Variants in CFAP70 observed in about 807,000 individuals in gnomAD.
CFAP70 encodes the protein cilia- and flagella-associated protein 70.
A neutral mutation model predicts 137.6 loss-of-function variants in CFAP70; 81 were observed. The observed-to-expected ratio is 0.59, with a 90% CI of 0.49 to 0.71. CFAP70 has a LOEUF of 0.71. CFAP70 is among the 30% of genes least tolerant of loss of function. The pLI is 0.00. For missense variants in CFAP70, 976 were observed against 1,226.7 expected, an observed-to-expected ratio of 0.80 and a Z score of 3.05; for synonymous variants, 382 against 423.6, an observed-to-expected ratio of 0.90 and a Z score of 1.20.
chr10:73,272,342 CAAATAAAT>C (rs146457367), intron 24 of CFAP70, among the ~76,000 whole-genome samples: 10,714 of 151,570 alleles, frequency 0.071, 614 homozygotes, highest in East Asian at 0.3. Context: ...GACTCCATCT[CAAATAAAT>C]AAATAAATAA....
At chr10:73,340,371 T>C (rs1021301751) in intron 6 of CFAP70, among the ~76,000 whole-genome samples, 2 of 152,194 alleles carry the variant, frequency 1.3e-5, no homozygotes, top group African/African-American at 4.8e-5. Context: ...TGGGTTTTTA[T>C]AGGCTCCAGA....
intron 8 of CFAP70, among the ~76,000 whole-genome samples, chr10:73,324,086 T>G (rs1420733142): frequency 1.3e-5 from 2 of 152,058 alleles, no homozygotes; most frequent in African/African-American, 4.8e-5. Context: ...AGGCACCCCC[T>G]AGTAGGGGCA....
chr10:73,279,340 C>T (rs1002798146), intron 19 of CFAP70, among the ~76,000 whole-genome samples: 2 of 151,628 alleles, frequency 1.3e-5, no homozygotes, highest in African/African-American at 2.4e-5. Context: ...CTAGCTAACA[C>T]GGTGAAACCC....
intron 1 of CFAP70, among the ~76,000 whole-genome samples, chr10:73,355,475 T>C (rs1037480857): frequency 1.3e-5 from 2 of 152,070 alleles, no homozygotes; most frequent in Non-Finnish European, 1.5e-5. Context: ...TTATGGTGAG[T>C]TGTATAATAT....
intron 19 of CFAP70, 43 bp downstream of exon 20, chr10:73,291,183 A>C: frequency 6.3e-7 from 1 of 1,590,846 alleles, no homozygotes; most frequent in Non-Finnish European, 8.6e-7. Flanking sequence ...CCTGGCAGTA[A>C]TTTTTCTAAT....
At chr10:73,273,344 T>G (rs2046451667) in intron 23 of CFAP70, among the ~76,000 whole-genome samples, 1 of 152,250 alleles carries the variant, frequency 6.6e-6, no homozygotes, top group Admixed American at 6.5e-5. Flanking sequence ...CATGGATTAC[T>G]CCCTTTCACT....
chr10:73,292,100 G>GT (rs1435342231), intron 16 of CFAP70, 86 bp from the exon 18 acceptor site: 17 of 1,490,230 alleles, frequency 1.1e-5, no homozygotes, highest in Non-Finnish European at 1.5e-5. Context: ...TGTAAATACT[G>GT]TAAGTTCTAT....
At chr10:73,353,690 T>C (rs568780404) in exon 3 of CFAP70, 1 of 1,614,182 alleles carries the variant, frequency 6.2e-7, no homozygotes, top group South Asian at 1.1e-5. Context: ...CAGAACCACT[T>C]GATTGAATTC....
At chr10:73,268,148 T>C (rs2045938606) in intron 25 of CFAP70, among the ~76,000 whole-genome samples, 1 of 152,352 alleles carries the variant, frequency 6.6e-6, no homozygotes, top group Admixed American at 6.5e-5. Context: ...CCTACATTAG[T>C]GTTTAATAGA....
intron 8 of CFAP70, 109 bp downstream of exon 9, chr10:73,331,065 TAGG>T (rs1413773187): frequency 4.3e-6 from 3 of 694,988 alleles, no homozygotes; most frequent in African/African-American, 3.6e-5. Flanking sequence ...TAGTCACCCT[TAGG>T]AGAACAGCTA....
At position 73,282,099 on chromosome 10, in the gene CFAP70, G is replaced by GAGGCTGGGGA. The variant is rs139143992; in HGVS notation, c.2240-3772_2240-3763dup. ...GCTCATGGATCAACTCATCCATATT[G>GAGGCTGGGGA]AGGCTGGGGAAGGCTGGGGAAGGCT... On this transcript the variant is annotated intron_variant, in intron 19 of 26. Coordinates refer to ENST00000310715, the Ensembl canonical transcript of CFAP70. Among the ~76,000 whole-genome samples, 47 of 121,304 alleles carry GAGGCTGGGGA rather than the reference G, an allele frequency of 3.9e-4. No homozygotes were observed. In the East Asian group the frequency reaches 9.0e-3, roughly 23 times the overall value. 79.6% of individuals were successfully genotyped at this position (121,304 alleles called of 152,430 possible). A position where few individuals can be genotyped will look rare whatever the true frequency, so the allele number is the denominator to read the frequency against.
intron 3 of CFAP70, 71 bp downstream of exon 3, chr10:73,353,485 T>C (rs1260783940): frequency 7.4e-7 from 1 of 1,346,480 alleles, no homozygotes; most frequent in Non-Finnish European, 1.0e-6. Flanking sequence ...GTTTTGGTTG[T>C]GCTTTTCCCA....
intron 23 of CFAP70, 150 bp downstream of exon 24, chr10:73,274,283 G>T (rs2046532855): frequency 2.3e-6 from 2 of 872,960 alleles, no homozygotes; most frequent in South Asian, 2.0e-5. Context: ...ACTAATTACT[G>T]GTTGTCTGAT....
At chr10:73,353,510 G>A in intron 3 of CFAP70, 46 bp downstream of exon 3, 4 of 1,552,546 alleles carry the variant, frequency 2.6e-6, no homozygotes, top group South Asian at 2.3e-5. Flanking sequence ...ACATGATAGG[G>A]AAGAAGGCAA....
chr10:73,302,708 C>T (rs1028782065), intron 12 of CFAP70, among the ~76,000 whole-genome samples: 4 of 152,006 alleles, frequency 2.6e-5, no homozygotes, highest in Non-Finnish European at 5.9e-5. Flanking sequence ...TATTTTATTA[C>T]GGAAATAGTT....
chr10:73,284,739 CATATATATATATATATATAT>C lies in CFAP70; in HGVS notation c.2240-6422_2240-6403del, dbSNP rs539417737. Among the ~76,000 whole-genome samples, 91 of 27,466 alleles carry C rather than the reference CATATATATATATATATATAT, an allele frequency of 3.3e-3. 2 individuals carry two copies. Among genetic ancestry groups the C allele is most frequent in the Non-Finnish European group, 5.7e-3 (66 of 11,518 alleles). 18.0% of individuals were successfully genotyped at this position (27,466 alleles called of 152,430 possible). ...CCTATGGGCCATATATGACCTGCCA[CATATATATATATATATATAT>C]ATATATATATATATATATATATATA... On this transcript the variant is annotated intron_variant, in intron 19 of 26. Coordinates refer to ENST00000310715, the Ensembl canonical transcript of CFAP70.
At chr10:73,309,658 A>ATTTTTTTATTTTTT (rs2049726278) in intron 12 of CFAP70, among the ~76,000 whole-genome samples, 1 of 136,424 alleles carries the variant, frequency 7.3e-6, no homozygotes, top group African/African-American at 2.8e-5. Context: ...TTTCCTAAGA[A>ATTTTTTTATTTTTT]TTTTTTTTTT....
chr10:73,331,218 G>A (rs1429475102), exon 8 of CFAP70: 2 of 1,613,486 alleles, frequency 1.2e-6, no homozygotes, highest in African/African-American at 1.3e-5. Context: ...ATAGTGACCA[G>A]AGGAACTCTT....
chr10:73,254,785 G>A (rs907956724), intron 26 of CFAP70, among the ~76,000 whole-genome samples: 10 of 152,124 alleles, frequency 6.6e-5, no homozygotes, highest in South Asian at 2.1e-4. Context: ...AGTAAGCTAC[G>A]CTGGCTGTCT....
Sources: gnomAD v4.1 joint callset for allele counts (sites outside exome capture counted in the v4.1 genomes callset) on GRCh38, gnomAD v4.1.1 for gene constraint, MANE v1.5 for transcripts, NCBI Gene and HGNC (gene_info 2026-07-23, HGNC 2026-07-21) for gene names.